GRM8: variants seen among roughly 807,000 people sequenced by gnomAD.
The protein encoded by GRM8 is metabotropic glutamate receptor 8.
In GRM8, 47 loss-of-function variants were observed where a neutral mutation model predicts 87.2. The observed-to-expected ratio is 0.54, with a 90% confidence interval of 0.43 to 0.69. The LOEUF (loss-of-function observed/expected upper bound fraction) is 0.69, where lower values mean the gene tolerates loss of function less well. GRM8 is among the 30% of genes least tolerant of loss of function. The pLI is 0.00. For synonymous variants in GRM8, 396 were observed against 404.5 expected, an observed-to-expected ratio of 0.98 and a Z score of 0.25; for missense variants, 1,019 against 1,139.2, an observed-to-expected ratio of 0.89 and a Z score of 1.52.
intron 8 of GRM8, among the ~76,000 whole-genome samples, chr7:126,590,543 A>G (rs535806495): frequency 1.2e-4 from 19 of 152,282 alleles, no homozygotes; most frequent in Non-Finnish European, 2.1e-4. Flanking sequence ...AATTCATCAT[A>G]AAAAGATTAT....
chr7:127,223,638 T>C (rs796153789), intron 2 of GRM8, among the ~76,000 whole-genome samples: 16 of 151,828 alleles, frequency 1.1e-4, no homozygotes, highest in African/African-American at 3.4e-4. Flanking sequence ...GCTGCAAAGG[T>C]GTCAGAGGAG....
intron 2 of GRM8, among the ~76,000 whole-genome samples, chr7:127,182,632 GGTGTGTGTGTGTGTGTGTGTGTGT>G (rs35530710): frequency 5.1e-4 from 72 of 141,824 alleles, no homozygotes; most frequent in Middle Eastern, 7.1e-3. Context: ...AAGAAAGTGT[GGTGTGTGTGTGTGTGTGTGTGTGT>G]GTGTGTGTGT....
At chr7:126,623,633 C>T (rs1412036436) in intron 7 of GRM8, among the ~76,000 whole-genome samples, 1 of 152,186 alleles carries the variant, frequency 6.6e-6, no homozygotes, top group African/African-American at 2.4e-5. Context: ...CATCTGGCCT[C>T]CTCTTCAACT....
intron 7 of GRM8, among the ~76,000 whole-genome samples, chr7:126,763,533 T>C (rs981261817): frequency 3.1e-4 from 46 of 149,734 alleles, no homozygotes; most frequent in Non-Finnish European, 6.0e-4. Flanking sequence ...CATCATTCTA[T>C]GTTTCTGACT....
chr7:126,480,115 T>C (rs1206047506), intron 9 of GRM8, among the ~76,000 whole-genome samples: 2 of 152,118 alleles, frequency 1.3e-5, no homozygotes, highest in African/African-American at 2.4e-5. Flanking sequence ...CCAGGCTCAG[T>C]GGTGCACACC....
At chr7:126,613,471 T>A (rs1387015397) in intron 7 of GRM8, among the ~76,000 whole-genome samples, 1 of 152,076 alleles carries the variant, frequency 6.6e-6, no homozygotes, top group African/African-American at 2.4e-5. Flanking sequence ...GACGGGTGAT[T>A]TCTGCATTTC....
At position 126,904,669 on chromosome 7, in the gene GRM8, CA is replaced by C; in HGVS notation, c.741del (p.Ile247MetfsTer24). The C allele has an allele frequency of 6.2e-7, 1 of 1,613,444 alleles. No individual in the cohort carries two copies. Among genetic ancestry groups the C allele is most frequent in the East Asian group, 2.2e-5 (1 of 44,872 alleles). On this transcript the variant is annotated frameshift_variant, in exon 4 of 11. Coordinates refer to ENST00000339582, the MANE Select transcript of GRM8 (RefSeq NM_000845.3). LOFTEE classifies it high-confidence loss of function. ...TCACGTGGGATTTTCTGTGACTGAG[CA>C]ATGCAAACACCACCTATTTAAAAAA... The part of the protein sequence containing the change: ...QISREIGGVC[I>X]AQSQKIPREP...
At chr7:126,942,597 G>A (rs184695212) in intron 3 of GRM8, among the ~76,000 whole-genome samples, 20 of 152,250 alleles carry the variant, frequency 1.3e-4, no homozygotes, top group Admixed American at 3.3e-4. Flanking sequence ...CTGCTCGCCC[G>A]GCATGCAGCA....
rs561539663 is a variant in GRM8, at chr7:126,770,738, T to C, written c.1157-673A>G. ...TTGGCACTGGAGATTACTTTTAGGT[T>C]GGTGTTTATAATTTAATATGGAAAA... On this transcript the variant is annotated intron_variant, in intron 6 of 10. Transcript: ENST00000339582. Among the ~76,000 whole-genome samples, 14 of 152,200 alleles carry C rather than the reference T, an allele frequency of 9.2e-5. No homozygotes were observed. The South Asian group carries it at 2.7e-3, about 29-fold the overall frequency.
At chr7:126,904,203 T>C in intron 4 of GRM8, 77 bp from the exon 5 acceptor site, 5 of 1,232,196 alleles carry the variant, frequency 4.1e-6, no homozygotes, top group Non-Finnish European at 5.9e-6. Context: ...AGACCAGATT[T>C]AGGAAGTTGT....
At chr7:126,721,957 A>T (rs1812435581) in intron 7 of GRM8, among the ~76,000 whole-genome samples, 1 of 152,106 alleles carries the variant, frequency 6.6e-6, no homozygotes, top group South Asian at 2.1e-4. Context: ...CCAGGATTTG[A>T]AAGACAAAGT....
chr7:126,941,551 C>A (rs191159252), intron 3 of GRM8, among the ~76,000 whole-genome samples: 2 of 150,640 alleles, frequency 1.3e-5, no homozygotes, highest in Admixed American at 6.6e-5. Flanking sequence ...ACCCAGGAGG[C>A]GGAGCCTGCA....
At chr7:126,453,200 A>G (rs1021440944) in intron 9 of GRM8, among the ~76,000 whole-genome samples, 13 of 151,702 alleles carry the variant, frequency 8.6e-5, no homozygotes, top group Non-Finnish European at 1.3e-4. Context: ...TTATAGTCCA[A>G]TTTAACTCTG....
chr7:126,472,504 T>C (rs908011995), intron 9 of GRM8, among the ~76,000 whole-genome samples: 2 of 152,146 alleles, frequency 1.3e-5, no homozygotes, highest in African/African-American at 2.4e-5. Flanking sequence ...GTTTCATTCA[T>C]TCACAAAGAT....
intron 7 of GRM8, among the ~76,000 whole-genome samples, chr7:126,614,597 A>G: frequency 6.6e-6 from 1 of 152,218 alleles, no homozygotes; most frequent in Non-Finnish European, 1.5e-5. Flanking sequence ...GGAAGTTCGA[A>G]CCCAATGCAA....
At chr7:126,801,596 GTATTA>G (rs1822706667) in intron 6 of GRM8, among the ~76,000 whole-genome samples, 1 of 76,082 alleles carries the variant, frequency 1.3e-5, no homozygotes, top group South Asian at 4.1e-4. Flanking sequence ...TTTCTTTTCT[GTATTA>G]TATAATTTTC....
At chr7:127,142,458 C>A (rs1393325123) in intron 2 of GRM8, among the ~76,000 whole-genome samples, 1 of 152,140 alleles carries the variant, frequency 6.6e-6, no homozygotes, top group African/African-American at 2.4e-5. Context: ...ACAAGTAGTG[C>A]TTTTCAAATT....
At chr7:126,948,873 A>G (rs997217288) in intron 3 of GRM8, among the ~76,000 whole-genome samples, 7 of 152,206 alleles carry the variant, frequency 4.6e-5, no homozygotes, top group Admixed American at 3.3e-4. Context: ...ACTTGGGGGA[A>G]CCCCAGAGAC....
At chr7:126,507,330 G>T (rs1275858084) in intron 9 of GRM8, among the ~76,000 whole-genome samples, 1 of 152,078 alleles carries the variant, frequency 6.6e-6, no homozygotes, top group Admixed American at 6.6e-5. Flanking sequence ...TTCTGGAGAT[G>T]TCAATTTATC....
Sources: allele counts gnomAD v4.1 joint callset (sites outside exome capture counted in the v4.1 genomes callset), GRCh38; gene constraint gnomAD v4.1.1; transcripts MANE v1.5; gene names NCBI Gene and HGNC (gene_info 2026-07-23, HGNC 2026-07-21).